Variants in BRD10 observed in about 807,000 individuals in gnomAD.
BRD10 encodes uncharacterized bromodomain-containing protein 10.
At chr9:5,904,017 C>G in the BRD10 span, among the ~76,000 whole-genome samples, 1 of 152,114 alleles carries the variant, frequency 6.6e-6, no homozygotes, top group Non-Finnish European at 1.5e-5. Context: ...GCCACCAAGC[C>G]TGGCTAAGTT....
At chr9:5,943,527 C>G in the BRD10 span, among the ~76,000 whole-genome samples, 2 of 148,982 alleles carry the variant, frequency 1.3e-5, no homozygotes, top group Non-Finnish European at 3.0e-5. Flanking sequence ...AGAATTAGTC[C>G]TTTCTGAGCA....
chr9:5,883,392 C>T, the BRD10 span, among the ~76,000 whole-genome samples: 1 of 151,644 alleles, frequency 6.6e-6, no homozygotes, highest in African/African-American at 2.4e-5. Flanking sequence ...GTGGCAGCAA[C>T]CTGGAAGGTC....
the BRD10 span, among the ~76,000 whole-genome samples, chr9:5,990,196 C>A: frequency 6.6e-6 from 1 of 152,154 alleles, no homozygotes. Flanking sequence ...TAAGGAATTG[C>A]GGACCCAGGG....
chr9:5,943,960 G>A, the BRD10 span, among the ~76,000 whole-genome samples: 3 of 152,068 alleles, frequency 2.0e-5, no homozygotes, highest in Admixed American at 6.6e-5. Context: ...CTTTCAGAGT[G>A]CTACCAACAT....
At chr9:5,940,572 A>G in the BRD10 span, among the ~76,000 whole-genome samples, 5 of 152,212 alleles carry the variant, frequency 3.3e-5, no homozygotes, top group East Asian at 1.9e-4. Context: ...TGCTAGCTAT[A>G]TAACAGTGTG....
the BRD10 span, among the ~76,000 whole-genome samples, chr9:5,984,555 T>C: frequency 6.6e-6 from 1 of 152,042 alleles, no homozygotes; most frequent in Admixed American, 6.6e-5. Context: ...AAGAAGTCAA[T>C]ACATCAGAAA....
chr9:5,920,553 T>A, the BRD10 span: 2 of 1,613,902 alleles, frequency 1.2e-6, no homozygotes, highest in Non-Finnish European at 1.7e-6. Flanking sequence ...CCTGGACTTG[T>A]TGAAAGGGAC....
the BRD10 span, among the ~76,000 whole-genome samples, chr9:5,914,748 CTTGACTA>C: frequency 6.6e-6 from 1 of 151,946 alleles, no homozygotes; most frequent in Non-Finnish European, 1.5e-5. Context: ...TAATAAAATT[CTTGACTA>C]TTTTTTAGAT....
chr9:5,999,814 T>TATAGG, the BRD10 span, among the ~76,000 whole-genome samples: 874 of 152,272 alleles, frequency 5.7e-3, 9 homozygotes, highest in African/African-American at 0.02. Context: ...TCTTTGAATC[T>TATAGG]CCCTATAGTG....
chr9:5,886,111 G>C, the BRD10 span, among the ~76,000 whole-genome samples: 1 of 152,194 alleles, frequency 6.6e-6, no homozygotes, highest in East Asian at 1.9e-4. Context: ...ATACCTCTGC[G>C]GGGTGTGTGA....
the BRD10 span, among the ~76,000 whole-genome samples, chr9:5,887,185 G>T: frequency 1.3e-5 from 2 of 151,276 alleles, no homozygotes; most frequent in South Asian, 4.2e-4. Flanking sequence ...CTTGAACCCA[G>T]GAGGTGGAGG....
chr9:5,989,576 A>C, the BRD10 span, among the ~76,000 whole-genome samples: 1 of 144,606 alleles, frequency 6.9e-6, no homozygotes, highest in African/African-American at 2.6e-5. Flanking sequence ...AGACTCTGTC[A>C]CCCAGGCTGG....
chr9:5,939,429 G>A, the BRD10 span, among the ~76,000 whole-genome samples: 1 of 152,004 alleles, frequency 6.6e-6, no homozygotes, highest in African/African-American at 2.4e-5. Flanking sequence ...TAACCATATT[G>A]TTTGTAACTT....
the BRD10 span, among the ~76,000 whole-genome samples, chr9:5,902,302 T>C: frequency 6.6e-6 from 1 of 152,224 alleles, no homozygotes; most frequent in Admixed American, 6.5e-5. Context: ...GTTCATAGTA[T>C]TCCTTGCTTA....
chr9:5,978,413 A>C, the BRD10 span, among the ~76,000 whole-genome samples: 1 of 150,534 alleles, frequency 6.6e-6, no homozygotes, highest in Non-Finnish European at 1.5e-5. Context: ...AAAAAAAAGG[A>C]GTTTTAAGAA....
the BRD10 span, chr9:5,921,149 A>G: frequency 5.1e-5 from 83 of 1,613,842 alleles, no homozygotes; most frequent in Non-Finnish European, 6.9e-5. Flanking sequence ...TGACAATGGC[A>G]AAATATAGCC....
the BRD10 span, among the ~76,000 whole-genome samples, chr9:5,889,628 T>C: frequency 1.3e-5 from 2 of 151,976 alleles, no homozygotes; most frequent in African/African-American, 4.8e-5. Context: ...CTACTAAAAA[T>C]ACAAAAATTT....
the BRD10 span, among the ~76,000 whole-genome samples, chr9:5,882,207 C>A: frequency 6.6e-6 from 1 of 152,116 alleles, no homozygotes; most frequent in African/African-American, 2.4e-5. Flanking sequence ...TTGTAGAGGG[C>A]ATCTCTGTCT....
the BRD10 span, among the ~76,000 whole-genome samples, chr9:5,952,449 T>C: frequency 1.3e-5 from 2 of 152,328 alleles, no homozygotes; most frequent in East Asian, 1.9e-4. Flanking sequence ...AAACAATATA[T>C]GTGAGTGTAC....
Sources: gnomAD v4.1 joint callset for allele counts (sites outside exome capture counted in the v4.1 genomes callset) on GRCh38, gnomAD v4.1.1 for gene constraint, MANE v1.5 for transcripts, NCBI Gene and HGNC (gene_info 2026-07-23, HGNC 2026-07-21) for gene names.